ACOXL: variants seen among roughly 807,000 people sequenced by gnomAD.
The protein encoded by ACOXL is acyl-coenzyme A oxidase-like protein.
Under a neutral mutation model 71.9 loss-of-function variants are expected in ACOXL, and 70 were observed. The ratio of observed to expected loss-of-function variants is 0.97; its 90% CI spans 0.80 to 1.19. The LOEUF (loss-of-function observed/expected upper bound fraction) is 1.19, where lower values mean the gene tolerates loss of function less well. Ranked by LOEUF, ACOXL falls within the 50% of genes most tolerant of loss-of-function variation. The pLI is 0.00. For synonymous variants in ACOXL, 253 were observed against 281.6 expected (o/e 0.90, Z 1.02); for missense variants, 703 against 736.3 (o/e 0.95, Z 0.52).
At chr2:110,871,780 T>C (rs1246346891) in intron 10 of ACOXL, among the ~76,000 whole-genome samples, 19 of 152,116 alleles carry the variant, frequency 1.2e-4, no homozygotes. Context: ...TGACCTCAGC[T>C]CCAGGCACTG....
At chr2:111,084,977 CAAA>C (rs2068132247) in intron 16 of ACOXL, among the ~76,000 whole-genome samples, 5 of 148,324 alleles carry the variant, frequency 3.4e-5, no homozygotes, top group African/African-American at 1.2e-4. Context: ...ATTTTAAAGA[CAAA>C]GAAGGACATT....
At chr2:111,034,922 CTTTTT>C (rs10707310) in intron 15 of ACOXL, among the ~76,000 whole-genome samples, 2 of 144,086 alleles carry the variant, frequency 1.4e-5, no homozygotes, top group Non-Finnish European at 3.1e-5. Context: ...AAAGCACAGT[CTTTTT>C]TTTTTTTTTT....
chr2:110,962,975 T>A (rs2061760993), intron 12 of ACOXL, among the ~76,000 whole-genome samples: 3 of 152,166 alleles, frequency 2.0e-5, no homozygotes, highest in African/African-American at 7.2e-5. Flanking sequence ...AAGACAGGCT[T>A]TGCTTCTTTC....
chr2:110,892,526 G>A (rs1373106634), intron 10 of ACOXL, among the ~76,000 whole-genome samples: 1 of 152,106 alleles, frequency 6.6e-6, no homozygotes, highest in East Asian at 1.9e-4. Flanking sequence ...AGTTTTCAAT[G>A]GAGGATGAAG....
At chr2:110,953,823 G>A (rs2061409630) in intron 12 of ACOXL, among the ~76,000 whole-genome samples, 1 of 152,068 alleles carries the variant, frequency 6.6e-6, no homozygotes, top group African/African-American at 2.4e-5. Flanking sequence ...CAGAGCAGGA[G>A]AGAGAGAGAG....
rs2059789629 is a variant in ACOXL at position 110,915,082 on chromosome 2, T to C, written c.905+6177T>C. Among the ~76,000 whole-genome samples, 4 of 152,256 alleles carry C rather than the reference T, an allele frequency of 2.6e-5. No individual in the cohort carries two copies. The South Asian group carries it at 8.3e-4, about 32-fold the overall frequency. On this transcript the variant is annotated intron_variant, in intron 11 of 17. Coordinates refer to ENST00000439055, the MANE Select transcript of ACOXL (RefSeq NM_001142807.4). Reference sequence around the variant, plus strand: ...ATAGTCACCCTGTTTTGCTATTAAATAGTAGGTCTTATTCATTCTTTTTAA... The same window carrying C: ...ATAGTCACCCTGTTTTGCTATTAAACAGTAGGTCTTATTCATTCTTTTTAA...
chr2:110,933,537 G>T lies in ACOXL; in HGVS notation c.954G>T (p.Leu318=). ...AGGATGTCTTCCAGGGAAAGGAGCT[G>T]GTCAACAGTCGCTCGCTGCAGGCTC... is the stretch of plus-strand genomic sequence containing the variant. ...LDEDVFQGKE[L]VNSRSLQALV... Residue 318 remains leucine (L), a synonymous_variant, in exon 12 of 18, where the codon CTG becomes CTT. Coordinates refer to ENST00000439055, the MANE Select transcript of ACOXL (RefSeq NM_001142807.4). 1 of 1,614,222 alleles carries T rather than the reference G, an allele frequency of 6.2e-7. No homozygotes were observed. Among genetic ancestry groups the T allele is most frequent in the Non-Finnish European group, 8.5e-7 (1 of 1,180,018 alleles).
intron 15 of ACOXL, among the ~76,000 whole-genome samples, chr2:111,032,028 G>T (rs1467523764): frequency 6.6e-6 from 1 of 152,246 alleles, no homozygotes; most frequent in African/African-American, 2.4e-5. Context: ...CTGTCCCTCA[G>T]AAGTGGCCCT....
intron 10 of ACOXL, among the ~76,000 whole-genome samples, chr2:110,886,156 A>C (rs1422399325): frequency 6.6e-6 from 1 of 152,218 alleles, no homozygotes; most frequent in Non-Finnish European, 1.5e-5. Flanking sequence ...CACATGTGCT[A>C]CCTGGTAGGA....
rs571422379 is a variant in ACOXL at position 111,056,708 on chromosome 2, A to G, written c.1440+7420A>G. Among the ~76,000 whole-genome samples, 26 of 151,414 alleles carry G rather than the reference A, an allele frequency of 1.7e-4. No homozygotes were observed. The East Asian group carries it at 4.9e-3, about 28-fold the overall frequency. ...GAGGCTGAGGCAGGAGAATCGCTTT[A>G]ACCCAGGAGGCGGAGGTTGCAGTGA... On this transcript the variant is annotated intron_variant, in intron 16 of 17. Coordinates refer to ENST00000439055, the MANE Select transcript of ACOXL (RefSeq NM_001142807.4).
chr2:110,766,140 G>C (rs1464617529), intron 1 of ACOXL, among the ~76,000 whole-genome samples: 2 of 151,916 alleles, frequency 1.3e-5, no homozygotes, highest in African/African-American at 4.8e-5. Flanking sequence ...ATTAATCTTG[G>C]TGTGGGTATC....
rs150019177 is a variant in ACOXL at position 110,933,213 on chromosome 2, C to G, written c.906-276C>G. Among the ~76,000 whole-genome samples, 557 of 152,194 alleles carry G rather than the reference C, an allele frequency of 3.7e-3. 3 individuals carry two copies. The highest frequency in any genetic ancestry group is 0.013 in the African/African-American group (520 of 41,522). On this transcript the variant is annotated intron_variant, in intron 11 of 17. Transcript: ENST00000439055. Reference sequence around the variant, plus strand: ...AAACATAGAGTTTTAGAATATTATCCTGCAACTTTTTCTCTATATATCCCA... The same window carrying G: ...AAACATAGAGTTTTAGAATATTATCGTGCAACTTTTTCTCTATATATCCCA...
intron 14 of ACOXL, among the ~76,000 whole-genome samples, chr2:110,998,662 C>G (rs2063497028): frequency 6.6e-6 from 1 of 152,186 alleles, no homozygotes; most frequent in Admixed American, 6.5e-5. Context: ...CTGAGTTGAT[C>G]TGGTAATTCC....
intron 11 of ACOXL, among the ~76,000 whole-genome samples, chr2:110,932,598 A>AT (rs1413827825): frequency 6.6e-6 from 1 of 152,206 alleles, no homozygotes; most frequent in East Asian, 1.9e-4. Context: ...AAGGTGCAGA[A>AT]TTTCAAGGGA....
chr2:111,092,931 T>G lies in ACOXL; in HGVS notation c.1507T>G (p.Leu503Val). The G allele has an allele frequency of 6.2e-7, 1 of 1,614,082 alleles. No homozygotes were observed. The highest frequency in any genetic ancestry group is 8.5e-7 in the Non-Finnish European group (1 of 1,179,996). ...GGCCTGGTATTTAGAACATAAATAC[T>G]TGACTCCCATGGCCAGCACGAGGAT... ...ERAWYLEHKY[L>V]TPMASTRIRN... The change falls in exon 17 of 18, where the codon TTG becomes GTG. Residue 503 changes from leucine to valine, a missense_variant. Physicochemically the swap from Leu to Val is conservative, Grantham distance 32 (BLOSUM62 1). Coordinates refer to ENST00000439055, the MANE Select transcript of ACOXL (RefSeq NM_001142807.4).
At chr2:110,869,723 G>A (rs880506) in intron 10 of ACOXL, among the ~76,000 whole-genome samples, 43,521 of 152,144 alleles carry the variant, frequency 0.29, 6,870 homozygotes, top group Non-Finnish European at 0.35. Context: ...TGTCTCCAGA[G>A]CCCACACCCT....
At chr2:110,857,764 T>G (rs761144794) in intron 10 of ACOXL, among the ~76,000 whole-genome samples, 3 of 152,182 alleles carry the variant, frequency 2.0e-5, no homozygotes, top group Non-Finnish European at 2.9e-5. Context: ...CTGGCTCTGT[T>G]GCCCAGGCTG....
At chr2:110,801,405 C>T (rs1685976033) in intron 7 of ACOXL, among the ~76,000 whole-genome samples, 1 of 152,174 alleles carries the variant, frequency 6.6e-6, no homozygotes, top group Admixed American at 6.5e-5. Context: ...CACATGCAGG[C>T]TGCACAGAAG....
chr2:110,817,916 G>GTCTCGTCCAAGTTTTGTTTCAT (rs1688102131), intron 9 of ACOXL, among the ~76,000 whole-genome samples: 1 of 147,392 alleles, frequency 6.8e-6, no homozygotes, highest in African/African-American at 2.5e-5. Context: ...TCTATTTGCC[G>GTCTCGTCCAAGTTTTGTTTCAT]TCTCGTCCAA....
Sources: allele counts gnomAD v4.1 joint callset (sites outside exome capture counted in the v4.1 genomes callset), GRCh38; gene constraint gnomAD v4.1.1; transcripts MANE v1.5; gene names NCBI Gene and HGNC (gene_info 2026-07-23, HGNC 2026-07-21).